Variants in CHST11 observed in about 807,000 individuals in gnomAD.
The protein encoded by CHST11 is C4S-1.
In CHST11, 9 loss-of-function variants were observed where a neutral mutation model predicts 30.4. The ratio of observed to expected loss-of-function variants is 0.30; its 90% CI spans 0.18 to 0.52. CHST11 has a LOEUF of 0.52. Ranked by LOEUF, CHST11 falls within the 20% of genes least tolerant of loss-of-function variation. The pLI is 0.97. For missense variants in CHST11, 348 were observed against 460.6 expected (o/e 0.76, Z 2.24); for synonymous variants, 152 against 187.8 (o/e 0.81, Z 1.56).
intron 1 of CHST11, among the ~76,000 whole-genome samples, chr12:104,583,616 A>G (rs998825120): frequency 1.3e-5 from 2 of 152,184 alleles, no homozygotes; most frequent in African/African-American, 2.4e-5. Context: ...CCCCTTCAGC[A>G]CTTCTTGATG....
intron 2 of CHST11, among the ~76,000 whole-genome samples, chr12:104,754,234 A>G (rs116364405): frequency 0.013 from 1,990 of 152,328 alleles, 42 homozygotes; most frequent in African/African-American, 0.045. Flanking sequence ...TATCCCGGCT[A>G]GGACCCTCAG....
In CHST11 at chr12:104,685,183, A is replaced by G. The variant is rs931726014; in HGVS notation, c.205-71766A>G. On this transcript the variant is annotated intron_variant, in intron 2 of 2. Coordinates refer to ENST00000303694, the MANE Select transcript of CHST11 (RefSeq NM_018413.6). ...AAATCTGCAAAACCTCATCTGTCTC[A>G]TTGCTCCAGAAGCATTAGGTGTAAG... 2.0e-5 allele frequency among the ~76,000 whole-genome samples: 3 copies of G among 152,178 alleles called. No homozygotes were observed. In the South Asian group the frequency reaches 6.2e-4, roughly 31 times the overall value.
intron 2 of CHST11, among the ~76,000 whole-genome samples, chr12:104,632,940 G>A (rs1327039278): frequency 1.3e-5 from 2 of 152,256 alleles, no homozygotes; most frequent in Non-Finnish European, 2.9e-5. Flanking sequence ...GGAAGGTGTT[G>A]GTGAAACGCT....
intron 2 of CHST11, among the ~76,000 whole-genome samples, chr12:104,710,818 C>A (rs111650052): frequency 0.025 from 3,819 of 152,326 alleles, 50 homozygotes; most frequent in Non-Finnish European, 0.04. Flanking sequence ...GCAGGTGTGA[C>A]TTCCAGCTCT....
intron 2 of CHST11, among the ~76,000 whole-genome samples, chr12:104,751,858 T>G (rs921716090): frequency 3.3e-5 from 5 of 152,230 alleles, no homozygotes; most frequent in African/African-American, 1.2e-4. Flanking sequence ...ATTTCAAATC[T>G]TATCTTCACT....
chr12:104,584,874 G>A (rs774351317), intron 1 of CHST11, among the ~76,000 whole-genome samples: 1 of 152,134 alleles, frequency 6.6e-6, no homozygotes, highest in Non-Finnish European at 1.5e-5. Context: ...TAATCCCTCG[G>A]TGTAATTTCC....
intron 1 of CHST11, among the ~76,000 whole-genome samples, chr12:104,476,136 T>A (rs1031128335): frequency 7.1e-6 from 1 of 139,864 alleles, no homozygotes; most frequent in Admixed American, 7.3e-5. Context: ...ATATAATATA[T>A]TATATATTAT....
intron 2 of CHST11, among the ~76,000 whole-genome samples, chr12:104,739,509 A>G (rs1592867792): frequency 6.6e-6 from 1 of 152,214 alleles, no homozygotes; most frequent in Admixed American, 6.5e-5. Context: ...AACTTGCCCA[A>G]GGTCCACAGC....
chr12:104,695,471 GTGTA>G (rs1004109013), intron 2 of CHST11, among the ~76,000 whole-genome samples: 40 of 150,986 alleles, frequency 2.6e-4, no homozygotes, highest in African/African-American at 7.6e-4. Flanking sequence ...GTGTGTGTGT[GTGTA>G]TGTGTCCTTG....
intron 2 of CHST11, among the ~76,000 whole-genome samples, chr12:104,619,956 A>G (rs1055384723): frequency 6.6e-6 from 1 of 152,208 alleles, no homozygotes; most frequent in African/African-American, 2.4e-5. Context: ...CCCTTAGCCA[A>G]TAGGTGAGCC....
intron 2 of CHST11, among the ~76,000 whole-genome samples, chr12:104,754,455 T>C (rs1243749084): frequency 6.6e-6 from 1 of 152,168 alleles, no homozygotes; most frequent in African/African-American, 2.4e-5. Flanking sequence ...AGTGCCCCAG[T>C]CTTCATCCTC....
At chr12:104,654,450 C>G (rs910554602) in intron 2 of CHST11, among the ~76,000 whole-genome samples, 1 of 152,094 alleles carries the variant, frequency 6.6e-6, no homozygotes, top group African/African-American at 2.4e-5. Context: ...TGACCAAGGA[C>G]GTGGAAACAT....
chr12:104,633,657 C>T (rs11608393), intron 2 of CHST11, among the ~76,000 whole-genome samples: 44,793 of 151,706 alleles, frequency 0.3, 7,398 homozygotes, highest in East Asian at 0.41. Context: ...CCAGGAGTTC[C>T]GCCTGCCTCG....
intron 1 of CHST11, among the ~76,000 whole-genome samples, chr12:104,586,940 C>T (rs1284397781): frequency 6.6e-6 from 1 of 152,136 alleles, no homozygotes; most frequent in East Asian, 1.9e-4. Flanking sequence ...GCGTTTTTTC[C>T]ACAGCGTCTT....
intron 2 of CHST11, among the ~76,000 whole-genome samples, chr12:104,629,651 A>G (rs1359862321): frequency 6.6e-6 from 1 of 152,126 alleles, no homozygotes; most frequent in African/African-American, 2.4e-5. Flanking sequence ...GTGAAATCCC[A>G]TCTCTACTAA....
intron 2 of CHST11, among the ~76,000 whole-genome samples, chr12:104,618,469 A>G (rs1250820088): frequency 6.7e-6 from 1 of 149,322 alleles, no homozygotes; most frequent in Non-Finnish European, 1.5e-5. Flanking sequence ...TCCTGGGGTC[A>G]AGTAGTTCTC....
At chr12:104,578,429 A>G (rs11112109) in intron 1 of CHST11, among the ~76,000 whole-genome samples, 33,269 of 152,112 alleles carry the variant, frequency 0.22, 4,188 homozygotes, top group East Asian at 0.41. Flanking sequence ...GGTAGAATCA[A>G]TCTTTGGCTC....
At chr12:104,656,502 T>A (rs1409606056) in intron 2 of CHST11, among the ~76,000 whole-genome samples, 1 of 152,204 alleles carries the variant, frequency 6.6e-6, no homozygotes, top group Non-Finnish European at 1.5e-5. Flanking sequence ...TCCAGTCTTA[T>A]CATCTCGTGT....
chr12:104,544,564 G>T (rs970589573), intron 1 of CHST11, among the ~76,000 whole-genome samples: 3 of 151,926 alleles, frequency 2.0e-5, no homozygotes, highest in Non-Finnish European at 2.9e-5. Flanking sequence ...AAAATTAGCT[G>T]GGTGTCATGG....
Sources: allele counts gnomAD v4.1 joint callset (sites outside exome capture counted in the v4.1 genomes callset), GRCh38; gene constraint gnomAD v4.1.1; transcripts MANE v1.5; gene names NCBI Gene and HGNC (gene_info 2026-07-23, HGNC 2026-07-21).